The following CTNNA2 variants were observed in gnomAD, a reference collection of about 807,000 sequenced individuals.
The protein encoded by CTNNA2 is catenin alpha-2.
In CTNNA2, 42 loss-of-function variants were observed where a neutral mutation model predicts 101.0. The ratio of observed to expected loss-of-function variants is 0.42; its 90% CI spans 0.32 to 0.54. The LOEUF (loss-of-function observed/expected upper bound fraction) is 0.54, where lower values mean the gene tolerates loss of function less well. Among genes scored for constraint, CTNNA2 ranks in the 20% least tolerant of loss-of-function variants. The pLI is 0.14. For missense variants in CTNNA2, 871 were observed against 1,223.1 expected, an observed-to-expected ratio of 0.71 and a Z score of 4.29; for synonymous variants, 450 against 456.4, an observed-to-expected ratio of 0.99 and a Z score of 0.18.
chr2:79,247,885 T>A (rs1223594518), intron 2 of CTNNA2, among the ~76,000 whole-genome samples: 2 of 152,116 alleles, frequency 1.3e-5, no homozygotes, highest in Non-Finnish European at 2.9e-5. Context: ...ATCAAGAAAA[T>A]GAATTCTTCT....
chr2:79,744,540 A>G lies in CTNNA2; in HGVS notation c.256A>G (p.Lys86Glu). The G allele has an allele frequency of 6.2e-7, 1 of 1,613,148 alleles. No homozygotes were observed. Among genetic ancestry groups the G allele is most frequent in the Non-Finnish European group, 8.5e-7 (1 of 1,179,246 alleles). Residue 86 changes from lysine to glutamate, a missense_variant, in exon 3 of 19, where the codon AAA (lysine) becomes GAA (glutamate). Physicochemically the swap from Lys to Glu is moderately conservative, Grantham distance 56. Transcript: ENST00000402739. Reference sequence around the variant, plus strand: ...GATCGCTAAGGAGAGTCAAGATCTCAAAGAAGAGTTGGTGGCTGCTGTAGA... The same window carrying G: ...GATCGCTAAGGAGAGTCAAGATCTCGAAGAAGAGTTGGTGGCTGCTGTAGA... ...EQIAKESQDLKEELVAAVEDV... is the reference protein window; with the variant it reads ...EQIAKESQDLEEELVAAVEDV...
At chr2:79,301,213 A>T (rs1265619924) in intron 2 of CTNNA2, among the ~76,000 whole-genome samples, 2 of 152,134 alleles carry the variant, frequency 1.3e-5, no homozygotes, top group Non-Finnish European at 2.9e-5. Context: ...CTCCCTTATC[A>T]TGTCTTTATA....
intron 1 of CTNNA2, among the ~76,000 whole-genome samples, chr2:79,614,338 A>G (rs1307781730): frequency 2.0e-5 from 3 of 152,154 alleles, no homozygotes; most frequent in Admixed American, 1.3e-4. Flanking sequence ...ACTTTGGATT[A>G]TGTTACACAT....
chr2:79,340,824 A>G (rs1454990768), intron 3 of CTNNA2, among the ~76,000 whole-genome samples: 3 of 117,304 alleles, frequency 2.6e-5, no homozygotes, highest in Admixed American at 1.1e-4. Flanking sequence ...ACAGAGCGAG[A>G]CTCAGTCTCA....
In CTNNA2 at chr2:80,581,681, CT is replaced by C. The variant is rs770161496; in HGVS notation, c.1894-24del. The C allele has an allele frequency of 4.2e-6, 6 of 1,417,972 alleles. No homozygotes were observed. The Admixed American group carries it at 1.0e-4, about 24-fold the overall frequency. The allele number at this position is 1,417,972 out of a possible 1,614,324, so 87.8% of individuals were successfully genotyped here. ...GGTGAAGATTATCAATTTAAGTATG[CT>C]GACTTATATCTTTTTGTCTTTAGAC... On this transcript the variant is annotated intron_variant, in intron 13 of 18. Coordinates refer to ENST00000402739, the MANE Select transcript of CTNNA2 (RefSeq NM_001282597.3).
intron 3 of CTNNA2, among the ~76,000 whole-genome samples, chr2:79,752,602 T>A (rs1672116315): frequency 6.6e-6 from 1 of 152,218 alleles, no homozygotes; most frequent in South Asian, 2.1e-4. Flanking sequence ...TTGAAGGTAT[T>A]TCTTTTTGCC....
chr2:80,501,764 A>C (rs1252459915), intron 9 of CTNNA2, among the ~76,000 whole-genome samples: 2 of 152,278 alleles, frequency 1.3e-5, no homozygotes, highest in Non-Finnish European at 2.9e-5. Flanking sequence ...ACTCAGATCT[A>C]TCCCAAAAGG....
chr2:80,045,948 T>C (rs2104304508), intron 7 of CTNNA2, among the ~76,000 whole-genome samples: 1 of 152,324 alleles, frequency 6.6e-6, no homozygotes, highest in East Asian at 1.9e-4. Context: ...TAAATGAGCC[T>C]GCATCCCGAA....
intron 7 of CTNNA2, among the ~76,000 whole-genome samples, chr2:79,960,073 G>A (rs1689523897): frequency 6.6e-6 from 1 of 152,176 alleles, no homozygotes; most frequent in African/African-American, 2.4e-5. Context: ...GTTGAGATGA[G>A]TAGAAGAACT....
chr2:80,643,216 A>G (rs1187886028), intron 18 of CTNNA2, among the ~76,000 whole-genome samples: 1 of 152,148 alleles, frequency 6.6e-6, no homozygotes, highest in Non-Finnish European at 1.5e-5. Context: ...CTGAGGATTC[A>G]TCTGCTCTGG....
chr2:80,305,084 T>C (rs571173537), intron 7 of CTNNA2: 6 of 985,140 alleles, frequency 6.1e-6, no homozygotes, highest in Non-Finnish European at 7.2e-6. Context: ...TACGTAGGAA[T>C]CTGTAGAGAA....
At chr2:80,643,967 T>C (rs1161789425) in intron 18 of CTNNA2, among the ~76,000 whole-genome samples, 1 of 152,174 alleles carries the variant, frequency 6.6e-6, no homozygotes, top group East Asian at 1.9e-4. Context: ...GCCATGATGT[T>C]AAAAGGATGT....
At chr2:79,572,225 G>A (rs747231279) in intron 1 of CTNNA2, among the ~76,000 whole-genome samples, 1 of 152,130 alleles carries the variant, frequency 6.6e-6, no homozygotes, top group Non-Finnish European at 1.5e-5. Context: ...GAAGGGAAAG[G>A]GAGTGGACTG....
At chr2:79,350,728 T>C (rs987182705) in intron 3 of CTNNA2, among the ~76,000 whole-genome samples, 2 of 152,206 alleles carry the variant, frequency 1.3e-5, no homozygotes, top group African/African-American at 2.4e-5. Flanking sequence ...TTTCCATATG[T>C]GGTCTACTAA....
chr2:79,438,260 C>T (rs1678738595), intron 4 of CTNNA2, among the ~76,000 whole-genome samples: 1 of 152,152 alleles, frequency 6.6e-6, no homozygotes, highest in Non-Finnish European at 1.5e-5. Flanking sequence ...GCTGCTTTTC[C>T]AGCTCCTTGG....
chr2:79,816,046 T>C (rs1263800957), intron 3 of CTNNA2, among the ~76,000 whole-genome samples: 1 of 152,154 alleles, frequency 6.6e-6, no homozygotes. Context: ...CTGATTTGAT[T>C]CTCTGCTTGG....
chr2:79,815,529 A>G (rs1444538776), intron 3 of CTNNA2, among the ~76,000 whole-genome samples: 1 of 151,890 alleles, frequency 6.6e-6, no homozygotes, highest in East Asian at 1.9e-4. Flanking sequence ...TCCTTTCCCC[A>G]CTTTATGTTT....
At chr2:80,601,640 T>C (rs1405947340) in intron 15 of CTNNA2, 1 of 151,870 alleles carries the variant, frequency 6.6e-6, no homozygotes, top group African/African-American at 2.4e-5. Context: ...TCTTATCTTT[T>C]TTACTTTTGG....
chr2:79,595,675 G>A (rs1213923839), intron 1 of CTNNA2, among the ~76,000 whole-genome samples: 2 of 151,516 alleles, frequency 1.3e-5, no homozygotes, highest in Non-Finnish European at 2.9e-5. Flanking sequence ...CTTAACTCTC[G>A]CTACGCTACC....
Sources: allele counts gnomAD v4.1 joint callset (sites outside exome capture counted in the v4.1 genomes callset), GRCh38; gene constraint gnomAD v4.1.1; transcripts MANE v1.5; gene names NCBI Gene and HGNC (gene_info 2026-07-23, HGNC 2026-07-21).